The following LRP8 variants were observed in gnomAD, a reference collection of about 807,000 sequenced individuals.
The protein encoded by LRP8 is LDL receptor related protein 8.
Under a neutral mutation model 111.6 loss-of-function variants are expected in LRP8, and 46 were observed. The ratio of observed to expected loss-of-function variants is 0.41; its 90% CI spans 0.33 to 0.53. The LOEUF is 0.53. LRP8 is among the 20% of genes least tolerant of loss of function. LRP8 has a pLI of 0.20. For synonymous variants in LRP8, 464 were observed against 511.2 expected (o/e 0.91, Z 1.24); for missense variants, 959 against 1,297.4 (o/e 0.74, Z 4.01).
Position 53,319,604 on chromosome 1 carries a change from C to T in LRP8, c.244+7269G>A, listed in dbSNP as rs185541733. 5.4e-4 allele frequency among the ~76,000 whole-genome samples: 82 copies of T among 152,322 alleles called. 1 individual carries two copies. The highest frequency in any genetic ancestry group is 1.9e-3 in the African/African-American group (80 of 41,574). On this transcript the variant is annotated intron_variant, in intron 2 of 18. Transcript: ENST00000306052. Reference sequence around the variant, plus strand: ...CCCACCAGAGACAAAGAGGTCAGAGCGGGTACAGTCAGTGAGGAACTCGGT... The same window carrying T: ...CCCACCAGAGACAAAGAGGTCAGAGTGGGTACAGTCAGTGAGGAACTCGGT...
intron 2 of LRP8, among the ~76,000 whole-genome samples, chr1:53,316,405 C>CT: frequency 6.6e-6 from 1 of 152,312 alleles, no homozygotes. Context: ...AAATCAGCCC[C>CT]GTCAGAGCTC....
At chr1:53,326,267 G>A (rs1449606546) in intron 2 of LRP8, among the ~76,000 whole-genome samples, 1 of 152,268 alleles carries the variant, frequency 6.6e-6, no homozygotes, top group Non-Finnish European at 1.5e-5. Flanking sequence ...ATATGCGCGG[G>A]GGTGTGGCCG....
Position 53,262,317 on chromosome 1 carries a change from A to C in LRP8, c.1775-110T>G. ...CTAGGCCTCACACTGAGGCCAGCCT[A>C]CGGCAACCATTAGGAAACAAAGTCA... On this transcript the variant is annotated intron_variant, in intron 11 of 18. Transcript: ENST00000306052. The surrounding 1 kb of genome is among the most constrained non-coding windows in gnomAD (Gnocchi z 4.8). 2 of 1,535,744 alleles carry C rather than the reference A, an allele frequency of 1.3e-6. No homozygotes were observed. Among genetic ancestry groups the C allele is most frequent in the Non-Finnish European group, 1.8e-6 (2 of 1,120,374 alleles).
Position 53,326,021 on chromosome 1 carries a change from A to G in LRP8, c.244+852T>C, listed in dbSNP as rs1655076048. On this transcript the variant is annotated intron_variant, in intron 2 of 18. Coordinates refer to ENST00000306052, the MANE Select transcript of LRP8 (RefSeq NM_004631.5). ...GAAGAAACTTCTAAATCAGTCGCGCACGCCCAGCAAAGGCGGCCGGCAGCC... is the reference window on the plus strand; with the variant it reads ...GAAGAAACTTCTAAATCAGTCGCGCGCGCCCAGCAAAGGCGGCCGGCAGCC... 2.6e-5 allele frequency among the ~76,000 whole-genome samples: 4 copies of G among 152,010 alleles called. No individual in the cohort carries two copies. The South Asian group carries it at 8.3e-4, about 32-fold the overall frequency.
chr1:53,310,702 C>A (rs1263271105), intron 2 of LRP8, among the ~76,000 whole-genome samples: 2 of 152,174 alleles, frequency 1.3e-5, no homozygotes, highest in South Asian at 4.1e-4. Context: ...CGGGAAGAAC[C>A]AGAAAGAACT....
chr1:53,254,834 C>G (rs1646020757), intron 16 of LRP8, among the ~76,000 whole-genome samples: 1 of 152,118 alleles, frequency 6.6e-6, no homozygotes, highest in Non-Finnish European at 1.5e-5. Context: ...AGCCCTGTTC[C>G]TAGGGATCAT....
intron 15 of LRP8, 61 bp from the exon 16 acceptor site, chr1:53,255,246 G>A: frequency 4.8e-6 from 7 of 1,470,940 alleles, no homozygotes; most frequent in Non-Finnish European, 6.6e-6. Flanking sequence ...GCCCCTACTG[G>A]CCTCAAGTGG....
chr1:53,296,488 A>AGGGG (rs1016004254), intron 2 of LRP8, among the ~76,000 whole-genome samples: 1 of 152,196 alleles, frequency 6.6e-6, no homozygotes, highest in African/African-American at 2.4e-5. Flanking sequence ...GGGAGATGAA[A>AGGGG]GGGCTGCTCC....
Position 53,309,645 on chromosome 1 carries a change from G to A in LRP8, c.244+17228C>T, listed in dbSNP as rs560107566. 2.6e-5 allele frequency among the ~76,000 whole-genome samples: 4 copies of A among 152,248 alleles called. No homozygotes were observed. The East Asian group carries it at 7.8e-4, about 30-fold the overall frequency. On this transcript the variant is annotated intron_variant, in intron 2 of 18. Transcript: ENST00000306052. ...CCCTTGGACAGTGGGCATCTCGTCA[G>A]AGAGGCCAGGTCCCTGTTTTTCAAT... is the stretch of plus-strand genomic sequence containing the variant.
At chr1:53,327,380 TC>T (rs1330406775) in intron 1 of LRP8, 3 of 263,806 alleles carry the variant, frequency 1.1e-5, no homozygotes, top group Non-Finnish European at 2.2e-5. Flanking sequence ...CCCCTCTCTC[TC>T]CGCCGCGCGC....
At chr1:53,310,176 G>T (rs1217382669) in intron 2 of LRP8, among the ~76,000 whole-genome samples, 3 of 150,300 alleles carry the variant, frequency 2.0e-5, no homozygotes, top group Non-Finnish European at 4.4e-5. Context: ...TCCATTTGGA[G>T]ACAGCATGGG....
rs548456797 is a variant in LRP8 at position 53,294,957 on chromosome 1, G to T, written c.245-5268C>A. On this transcript the variant is annotated intron_variant, in intron 2 of 18. Transcript: ENST00000306052. The surrounding 1 kb of genome is among the most constrained non-coding windows in gnomAD (Gnocchi z 4.1). The stretch of plus-strand genomic sequence containing the variant: ...CACTGCTCTGTGCAGCTTCCTCTTG[G>T]CAATCCGAATGTCCTGCCGTGTTGG... Among the ~76,000 whole-genome samples, 4 of 152,336 alleles carry T rather than the reference G, an allele frequency of 2.6e-5. No individual in the cohort carries two copies. Among genetic ancestry groups the T allele is most frequent in the South Asian group, 2.1e-4 (1 of 4,830 alleles).
chr1:53,268,735 A>C (rs1215418383), intron 8 of LRP8: 1 of 152,180 alleles, frequency 6.6e-6, no homozygotes, highest in African/African-American at 2.4e-5. Flanking sequence ...CATCTTTCCC[A>C]AGCCCATACG....
chr1:53,260,753 G>C, intron 12 of LRP8, 148 bp from the exon 13 acceptor site: 1 of 719,494 alleles, frequency 1.4e-6, no homozygotes, highest in East Asian at 2.5e-5. Flanking sequence ...GGGGCTCTCA[G>C]CCTCTAATCT....
intron 2 of LRP8, among the ~76,000 whole-genome samples, chr1:53,301,589 G>A (rs1435374687): frequency 6.6e-5 from 10 of 152,180 alleles, no homozygotes; most frequent in African/African-American, 1.9e-4. Flanking sequence ...AAATTAGCTG[G>A]GCATGGTGGT....
chr1:53,314,760 G>C (rs1284757044), intron 2 of LRP8, among the ~76,000 whole-genome samples: 1 of 152,186 alleles, frequency 6.6e-6, no homozygotes, highest in Admixed American at 6.5e-5. Context: ...GGGATGGAAG[G>C]GGGAGGCCGC....
intron 2 of LRP8, among the ~76,000 whole-genome samples, chr1:53,321,366 G>A (rs1352184474): frequency 6.6e-6 from 1 of 152,060 alleles, no homozygotes; most frequent in Non-Finnish European, 1.5e-5. Flanking sequence ...GCCTGGGGCT[G>A]CAAGGCCTGG....
At chr1:53,292,211 G>A (rs145741673) in intron 2 of LRP8, 1 of 152,346 alleles carries the variant, frequency 6.6e-6, no homozygotes, top group Non-Finnish European at 1.5e-5. Flanking sequence ...GTCCTTCTCA[G>A]TGGAATCTTT....
At chr1:53,259,530 T>C (rs1646247389) in intron 13 of LRP8, among the ~76,000 whole-genome samples, 1 of 151,874 alleles carries the variant, frequency 6.6e-6, no homozygotes, top group Non-Finnish European at 1.5e-5. Flanking sequence ...GACTGACAAA[T>C]AAAGACACCT....
Sources: allele counts gnomAD v4.1 joint callset (sites outside exome capture counted in the v4.1 genomes callset), GRCh38; gene constraint gnomAD v4.1.1; non-coding constraint Gnocchi (gnomAD v3.1); transcripts MANE v1.5; gene names NCBI Gene and HGNC (gene_info 2026-07-23, HGNC 2026-07-21).